Variants in MTHFD2L observed in about 807,000 individuals in gnomAD.
MTHFD2L encodes bifunctional methylenetetrahydrofolate dehydrogenase/cyclohydrolase 2, mitochondrial.
A neutral mutation model predicts 34.9 loss-of-function variants in MTHFD2L; 29 were observed. The observed-to-expected ratio is 0.83, with a 90% CI of 0.62 to 1.13. The LOEUF (loss-of-function observed/expected upper bound fraction) is 1.13. Among genes scored for constraint, MTHFD2L ranks in the 50% most tolerant of loss-of-function variants. The pLI, the probability that MTHFD2L is intolerant of heterozygous loss-of-function variation, is 0.00. For missense variants in MTHFD2L, 481 were observed against 446.5 expected (o/e 1.08, Z -0.70); for synonymous variants, 167 against 155.7 (o/e 1.07, Z -0.54).
chr4:74,146,888 G>A (rs575091784), intron 1 of MTHFD2L, among the ~76,000 whole-genome samples: 3 of 151,626 alleles, frequency 2.0e-5, no homozygotes, highest in Non-Finnish European at 4.4e-5. Context: ...CTGTCTTTGA[G>A]CTCATTTATT....
At chr4:74,227,844 A>G (rs1431297471) in intron 6 of MTHFD2L, among the ~76,000 whole-genome samples, 3 of 152,188 alleles carry the variant, frequency 2.0e-5, no homozygotes, top group African/African-American at 4.8e-5. Context: ...TTAGAGGTGT[A>G]AAAGTAGAAA....
intron 7 of MTHFD2L, among the ~76,000 whole-genome samples, chr4:74,288,725 C>T (rs1748505649): frequency 6.6e-6 from 1 of 152,142 alleles, no homozygotes; most frequent in South Asian, 2.1e-4. Context: ...TATCTTGGCT[C>T]AGATCTTACC....
intron 7 of MTHFD2L, among the ~76,000 whole-genome samples, chr4:74,289,894 C>G (rs1748661611): frequency 2.0e-5 from 3 of 152,022 alleles, no homozygotes; most frequent in African/African-American, 4.8e-5. Flanking sequence ...GAATTTTACT[C>G]AAGTATGTGT....
chr4:74,193,848 C>T (rs1455957650), intron 3 of MTHFD2L, among the ~76,000 whole-genome samples: 1 of 152,086 alleles, frequency 6.6e-6, no homozygotes, highest in Non-Finnish European at 1.5e-5. Flanking sequence ...AACAACTATG[C>T]CATCTGTGAT....
intron 7 of MTHFD2L, among the ~76,000 whole-genome samples, chr4:74,283,235 A>T (rs1747723836): frequency 6.6e-6 from 1 of 152,080 alleles, no homozygotes; most frequent in Non-Finnish European, 1.5e-5. Context: ...CTCATAGAGT[A>T]TTTTTTTGGT....
At chr4:74,255,029 G>T (rs1196429695) in intron 6 of MTHFD2L, among the ~76,000 whole-genome samples, 1 of 151,044 alleles carries the variant, frequency 6.6e-6, no homozygotes, top group Non-Finnish European at 1.5e-5. Flanking sequence ...CAGCTACTCG[G>T]GAGGCTGAGG....
intron 1 of MTHFD2L, among the ~76,000 whole-genome samples, chr4:74,168,518 A>G (rs1276195488): frequency 1.3e-5 from 2 of 152,212 alleles, no homozygotes; most frequent in Non-Finnish European, 2.9e-5. Flanking sequence ...TGTTACACAT[A>G]TTAAATACTT....
At chr4:74,126,922 C>T (rs761692026) in intron 1 of MTHFD2L, among the ~76,000 whole-genome samples, 1 of 151,976 alleles carries the variant, frequency 6.6e-6, no homozygotes, top group East Asian at 1.9e-4. Context: ...GAGGAAGGGA[C>T]CCGGTGGGAG....
At chr4:74,212,450 T>C (rs1736489334) in intron 5 of MTHFD2L, among the ~76,000 whole-genome samples, 5 of 152,226 alleles carry the variant, frequency 3.3e-5, no homozygotes, top group Admixed American at 3.3e-4. Context: ...TTTCGTTATT[T>C]ACCCAGTAGT....
At chr4:74,284,484 A>G (rs927341229) in intron 7 of MTHFD2L, among the ~76,000 whole-genome samples, 1 of 150,604 alleles carries the variant, frequency 6.6e-6, no homozygotes, top group African/African-American at 2.4e-5. Flanking sequence ...TCTTCTTTTG[A>G]GAAGTGTCCG....
At chr4:74,202,902 C>CAT (rs527652555) in intron 5 of MTHFD2L, among the ~76,000 whole-genome samples, 7 of 151,846 alleles carry the variant, frequency 4.6e-5, no homozygotes, top group East Asian at 3.9e-4. Context: ...ACACACACAG[C>CAT]ATATATATAT....
At chr4:74,260,487 T>A (rs190556050) in intron 6 of MTHFD2L, among the ~76,000 whole-genome samples, 1 of 152,246 alleles carries the variant, frequency 6.6e-6, no homozygotes, top group Admixed American at 6.5e-5. Context: ...TTACCAAATT[T>A]GGCCCAAACA....
chr4:74,199,881 G>A lies in MTHFD2L; in HGVS notation c.539G>A (p.Cys180Tyr). The change falls in exon 4 of 8, where the codon TGC (cysteine) becomes TAC (tyrosine). Residue 180 changes from cysteine (C) to tyrosine (Y), a missense_variant. Physicochemically the swap from Cys to Tyr is radical, Grantham distance 194 (BLOSUM62 -2). Transcript: ENST00000325278. ...CATATTATCAATATTGGAAGATTGT[G>A]CCTTGATCAGCATTCTCTCATACCT... ...GFHIINIGRL[C>Y]LDQHSLIPAT... 2 of 1,613,920 alleles carry A rather than the reference G, an allele frequency of 1.2e-6. No homozygotes were observed. The highest frequency in any genetic ancestry group is 8.5e-7 in the Non-Finnish European group (1 of 1,179,886).
intron 6 of MTHFD2L, chr4:74,267,359 T>C (rs1488223220): frequency 3.8e-5 from 19 of 505,962 alleles, no homozygotes; most frequent in Non-Finnish European, 4.8e-5. Flanking sequence ...CCTTTCTTTC[T>C]TCCTTTCTCT....
chr4:74,227,064 G>A (rs916976727), intron 6 of MTHFD2L, among the ~76,000 whole-genome samples: 9 of 152,132 alleles, frequency 5.9e-5, no homozygotes, highest in African/African-American at 2.2e-4. Context: ...GCCCTGAGAG[G>A]CTGACTAATG....
chr4:74,267,045 A>T (rs2110236469), intron 6 of MTHFD2L: 1 of 985,394 alleles, frequency 1.0e-6, no homozygotes, highest in East Asian at 1.1e-4. Context: ...ACCTCTTTTC[A>T]ACTAATATAC....
At chr4:74,277,255 G>A (rs912889657) in intron 6 of MTHFD2L, among the ~76,000 whole-genome samples, 5 of 151,662 alleles carry the variant, frequency 3.3e-5, no homozygotes, top group African/African-American at 1.2e-4. Flanking sequence ...GAGGGCGAAT[G>A]GAGTCTTATC....
intron 6 of MTHFD2L, among the ~76,000 whole-genome samples, chr4:74,230,850 G>A (rs1159374700): frequency 6.6e-6 from 1 of 152,166 alleles, no homozygotes; most frequent in Non-Finnish European, 1.5e-5. Flanking sequence ...TCCTAAGTCT[G>A]TAAAATTCTA....
At chr4:74,218,151 A>G (rs1467725855) in intron 5 of MTHFD2L, among the ~76,000 whole-genome samples, 3 of 151,898 alleles carry the variant, frequency 2.0e-5, no homozygotes, top group East Asian at 1.9e-4. Flanking sequence ...TTTTTTAGTC[A>G]TGATTTTTAG....
Sources: allele counts gnomAD v4.1 joint callset (sites outside exome capture counted in the v4.1 genomes callset), GRCh38; gene constraint gnomAD v4.1.1; transcripts MANE v1.5; gene names NCBI Gene and HGNC (gene_info 2026-07-23, HGNC 2026-07-21).